The following PTPRN2 variants were observed in gnomAD, a reference collection of about 807,000 sequenced individuals.
PTPRN2 encodes the protein protein tyrosine phosphatase receptor type N2.
In PTPRN2, 74 loss-of-function variants were observed where a neutral mutation model predicts 118.8. That is an observed-to-expected ratio of 0.62 (90% confidence interval 0.52 to 0.76). The LOEUF (loss-of-function observed/expected upper bound fraction) is 0.76. PTPRN2 is among the 30% of genes least tolerant of loss of function. The pLI is 0.00. For missense variants in PTPRN2, 1,481 were observed against 1,394.4 expected (o/e 1.06, Z -0.99); for synonymous variants, 641 against 608.0 (o/e 1.05, Z -0.80).
At chr7:157,910,705 C>A (rs995293990) in intron 11 of PTPRN2, among the ~76,000 whole-genome samples, 1 of 151,170 alleles carries the variant, frequency 6.6e-6, no homozygotes, top group Admixed American at 6.6e-5. Context: ...CGGCAGGGCA[C>A]GTGTGTGTGT....
chr7:158,057,274 C>A (rs2128902965), intron 11 of PTPRN2, among the ~76,000 whole-genome samples: 1 of 152,332 alleles, frequency 6.6e-6, no homozygotes, highest in East Asian at 1.9e-4. Context: ...AGAAACTTTG[C>A]TCTTCTGCTG....
chr7:158,264,156 C>T (rs1002265041), intron 3 of PTPRN2, among the ~76,000 whole-genome samples: 5 of 152,198 alleles, frequency 3.3e-5, no homozygotes, highest in Admixed American at 6.5e-5. Flanking sequence ...TTGTCCCTAA[C>T]GAACAGCCGC....
At chr7:157,933,415 A>G (rs1469846016) in intron 11 of PTPRN2, among the ~76,000 whole-genome samples, 222 of 79,308 alleles carry the variant, frequency 2.8e-3, no homozygotes, top group Middle Eastern at 0.025. Flanking sequence ...TTTTAGAGGA[A>G]GGGTGAGTCA....
intron 2 of PTPRN2, among the ~76,000 whole-genome samples, chr7:158,371,184 T>G (rs1809961303): frequency 1.3e-5 from 2 of 152,138 alleles, no homozygotes; most frequent in African/African-American, 4.8e-5. Flanking sequence ...CAAGTGACCC[T>G]GACAGCAACA....
At chr7:158,355,298 A>G (rs1808301716) in intron 2 of PTPRN2, among the ~76,000 whole-genome samples, 1 of 151,962 alleles carries the variant, frequency 6.6e-6, no homozygotes, top group African/African-American at 2.4e-5. Flanking sequence ...CTGTGCTTCC[A>G]TTTCCTAAAT....
chr7:157,827,758 CG>C (rs1563149228), intron 12 of PTPRN2, among the ~76,000 whole-genome samples: 6 of 146,582 alleles, frequency 4.1e-5, no homozygotes, highest in African/African-American at 1.6e-4. Context: ...CTCACCGTGC[CG>C]GGGTGGATGT....
chr7:157,572,817 G>A (rs1312757447), intron 19 of PTPRN2, among the ~76,000 whole-genome samples: 1 of 152,228 alleles, frequency 6.6e-6, no homozygotes, highest in East Asian at 1.9e-4. Context: ...ACACGAGGCT[G>A]ATGCCCAAAA....
At chr7:157,976,951 A>G (rs562611550) in intron 11 of PTPRN2, among the ~76,000 whole-genome samples, 1 of 151,986 alleles carries the variant, frequency 6.6e-6, no homozygotes, top group African/African-American at 2.4e-5. Flanking sequence ...ATCGAAGTTT[A>G]TTAACAAAGA....
intron 2 of PTPRN2, among the ~76,000 whole-genome samples, 155 bp from the exon 3 acceptor site, chr7:158,317,087 C>T (rs1334427508): frequency 6.6e-6 from 1 of 152,194 alleles, no homozygotes; most frequent in Admixed American, 6.5e-5. Flanking sequence ...CCGGGAGCAC[C>T]CGGAGGATGC....
chr7:158,417,947 G>A (rs1814860104), intron 2 of PTPRN2, among the ~76,000 whole-genome samples: 1 of 149,266 alleles, frequency 6.7e-6, no homozygotes. Flanking sequence ...AAGTCATGGT[G>A]TACTACATCG....
rs572606871 is a variant in PTPRN2, at chr7:157,929,875, C to A, written c.1724-31138G>T. ...GGTCGGCACGCTTATTGTAATGAAT[C>A]TGAAGGCAGCCCCCACCAACGCGCT... On this transcript the variant is annotated intron_variant, in intron 11 of 22. Transcript: ENST00000389418. The surrounding 1 kb of genome is among the most constrained non-coding windows in gnomAD (Gnocchi z 4.4). Among the ~76,000 whole-genome samples the A allele has an allele frequency of 1.2e-4, 19 of 152,004 alleles. 1 individual carries two copies. In the South Asian group the frequency reaches 3.7e-3, roughly 30 times the overall value.
chr7:158,547,359 T>G (rs1311622968), intron 1 of PTPRN2, among the ~76,000 whole-genome samples: 1 of 151,498 alleles, frequency 6.6e-6, no homozygotes, highest in Non-Finnish European at 1.5e-5. Context: ...CTATGCTGAC[T>G]CCCCAGCCCC....
chr7:158,041,841 G>A (rs998933486), intron 11 of PTPRN2, among the ~76,000 whole-genome samples: 1 of 152,166 alleles, frequency 6.6e-6, no homozygotes, highest in Non-Finnish European at 1.5e-5. Context: ...TCATTGACAT[G>A]TGACCCTTCC....
intron 11 of PTPRN2, among the ~76,000 whole-genome samples, chr7:158,079,257 A>G (rs963413038): frequency 2.6e-5 from 4 of 152,232 alleles, no homozygotes; most frequent in Admixed American, 6.5e-5. Context: ...AAGAAGCAAG[A>G]AACATTCTGA....
intron 1 of PTPRN2, chr7:158,541,666 C>T (rs1388567584): frequency 1.4e-5 from 19 of 1,330,920 alleles, no homozygotes; most frequent in South Asian, 2.4e-5. Context: ...AAGGTACGAA[C>T]GTTAGTTAAT....
At chr7:158,275,388 T>C (rs542171088) in intron 3 of PTPRN2, among the ~76,000 whole-genome samples, 45 of 152,268 alleles carry the variant, frequency 3.0e-4, no homozygotes, top group African/African-American at 1.1e-3. Flanking sequence ...CTGTTTTTTC[T>C]ACATTGCCTA....
rs185742590 is a variant in PTPRN2 at position 158,111,133 on chromosome 7, C to T, written c.1557-218G>A. 3.4e-3 allele frequency among the ~76,000 whole-genome samples: 521 copies of T among 152,276 alleles called. 3 individuals carry two copies. The highest frequency in any genetic ancestry group is 5.3e-3 in the Non-Finnish European group (363 of 68,026). On this transcript the variant is annotated intron_variant, in intron 9 of 22. Coordinates refer to ENST00000389418, the MANE Select transcript of PTPRN2 (RefSeq NM_002847.5). Reference sequence around the variant, plus strand: ...ACGGGGCTGTGGGAATCGCAAGTGGCCCACCGTGTGGAGACTGGCTCCTCT... The same window carrying T: ...ACGGGGCTGTGGGAATCGCAAGTGGTCCACCGTGTGGAGACTGGCTCCTCT...
In PTPRN2 at chr7:157,886,207, G is replaced by C. The variant is rs1796436742; in HGVS notation, c.1788+12466C>G. ...CTAGGGAACCTGCAGGGACAATCTT[G>C]CCTTCCACTAAGACCCAGGCACAAG... On this transcript the variant is annotated intron_variant, in intron 12 of 22. Coordinates refer to ENST00000389418, the MANE Select transcript of PTPRN2 (RefSeq NM_002847.5). 2.0e-5 allele frequency among the ~76,000 whole-genome samples: 3 copies of C among 152,090 alleles called. No individual in the cohort carries two copies. The South Asian group carries it at 6.2e-4, about 32-fold the overall frequency.
At chr7:158,346,782 A>G (rs1249617056) in intron 2 of PTPRN2, among the ~76,000 whole-genome samples, 7 of 152,220 alleles carry the variant, frequency 4.6e-5, no homozygotes, top group Non-Finnish European at 8.8e-5. Flanking sequence ...TGTCTTTTTA[A>G]TAATAGCCAT....
Sources: allele counts gnomAD v4.1 joint callset (sites outside exome capture counted in the v4.1 genomes callset), GRCh38; gene constraint gnomAD v4.1.1; non-coding constraint Gnocchi (gnomAD v3.1); transcripts MANE v1.5; gene names NCBI Gene and HGNC (gene_info 2026-07-23, HGNC 2026-07-21).